Variants in PIF1 observed in about 807,000 individuals in gnomAD.
The protein encoded by PIF1 is ATP-dependent DNA helicase PIF1.
In PIF1, 67 loss-of-function variants were observed where a neutral mutation model predicts 62.3. That is an observed-to-expected ratio of 1.08 (90% CI 0.88 to 1.32). PIF1 has a LOEUF of 1.32. Ranked by LOEUF, PIF1 falls within the 40% of genes most tolerant of loss-of-function variation. The pLI is 0.00. For missense variants in PIF1, 886 were observed against 866.1 expected (o/e 1.02, Z -0.29); for synonymous variants, 364 against 379.5 (o/e 0.96, Z 0.47).
At chr15:64,818,538 A>G (rs1249575157) in intron 9 of PIF1, 194 bp from the exon 10 acceptor site, 1 of 582,424 alleles carries the variant, frequency 1.7e-6, no homozygotes, top group African/African-American at 1.9e-5. Context: ...ATTTTTCTTT[A>G]TGTCAAAGAG....
intron 8 of PIF1, 44 bp from the exon 9 acceptor site, chr15:64,819,267 T>C: frequency 1.5e-6 from 2 of 1,314,912 alleles, no homozygotes; most frequent in Non-Finnish European, 1.1e-6. Context: ...ATCACTGACT[T>C]GTGACTCAGC....
rs750820579 is a variant in PIF1, at chr15:64,818,104, T to C, written c.1529-13A>G. On this transcript the variant is annotated splice_polypyrimidine_tract_variant and intron_variant, in intron 10 of 12. Coordinates refer to ENST00000559239, the MANE Select transcript of PIF1 (RefSeq NM_001286496.2). The stretch of plus-strand genomic sequence containing the variant: ...ACCTGGGGTAGCCCTAAGGAGAGCA[T>C]GGAGCAGTCCAACTTTAGCTCTGCT... The C allele has an allele frequency of 2.5e-6, 4 of 1,613,636 alleles. No individual in the cohort carries two copies. Among genetic ancestry groups the C allele is most frequent in the East Asian group, 4.5e-5 (2 of 44,870 alleles).
At position 64,818,287 on chromosome 15, in the gene PIF1, C is replaced by G; in HGVS notation, c.1498G>C (p.Val500Leu). The change falls in exon 10 of 13, where the codon GTG becomes CTG. Residue 500 changes from valine (V) to leucine (L), a missense_variant. Val to Leu is a conservative substitution (Grantham distance 32). Coordinates refer to ENST00000559239, the MANE Select transcript of PIF1 (RefSeq NM_001286496.2). ...CCTTCTGCCTCGAACCCAACTACCACCCCTCGGGCACCATTCACCAGGCCC... is the reference window on the plus strand; with the variant it reads ...CCTTCTGCCTCGAACCCAACTACCAGCCCTCGGGCACCATTCACCAGGCCC... Reference protein sequence around the residue: ...SRGLVNGARGVVVGFEAEGRG... With the variant: ...SRGLVNGARGLVVGFEAEGRG... 6.2e-7 allele frequency: 1 copy of G among 1,614,170 alleles called. No homozygotes were observed.
intron 11 of PIF1, 134 bp from the exon 12 acceptor site, chr15:64,816,899 G>C: frequency 1.3e-6 from 1 of 780,238 alleles, no homozygotes; most frequent in Non-Finnish European, 1.9e-6. Flanking sequence ...GACAGAGGGA[G>C]AGCATGACAG....
Position 64,821,211 on chromosome 15 carries a change from G to C in PIF1, c.1042C>G (p.Pro348Ala). 1 of 1,614,108 alleles carries C rather than the reference G, an allele frequency of 6.2e-7. No individual in the cohort carries two copies. The highest frequency in any genetic ancestry group is 2.2e-5 in the East Asian group (1 of 44,894). ...GGCTGGGAGCCCTTGGTCACAGGTG[G>C]CAGCTGCAGAAAGTCCCCACAGATG... ...LIICGDFLQL[P>A]PVTKGSQPPR... The change falls in exon 6 of 13, where the codon CCA becomes GCA. Residue 348 changes from proline (P) to alanine (A), a missense_variant. Coordinates refer to ENST00000559239, the MANE Select transcript of PIF1 (RefSeq NM_001286496.2).
chr15:64,818,891 A>G (rs1054129561), intron 9 of PIF1: 17 of 440,212 alleles, frequency 3.9e-5, no homozygotes, highest in African/African-American at 3.1e-4. Context: ...AGGGAAAGAA[A>G]TTTGCCCAAA....
In PIF1 at chr15:64,824,996, T is replaced by TAC. The variant is rs1277945945; in HGVS notation, c.-20+572_-20+573insGT. Reference sequence around the variant, plus strand: ...ACAATATATATACAATTTCTATATATATACACACACACACACACACACATA... The same window carrying TAC: ...ACAATATATATACAATTTCTATATATACATACACACACACACACACACACATA... On this transcript the variant is annotated intron_variant, in intron 1 of 12. Transcript: ENST00000559239. 3.8e-3 allele frequency among the ~76,000 whole-genome samples: 562 copies of TAC among 147,124 alleles called. 3 individuals are homozygous for TAC. The highest frequency in any genetic ancestry group is 0.014 in the African/African-American group (538 of 39,766).
chr15:64,817,591 C>T (rs906370090), intron 11 of PIF1, among the ~76,000 whole-genome samples: 8 of 151,288 alleles, frequency 5.3e-5, no homozygotes, highest in South Asian at 4.2e-4. Context: ...AGGCCAGGCA[C>T]GGTGGCTCAC....
Position 64,821,148 on chromosome 15 carries a change from G to A in PIF1, c.1086+19C>T. 1 of 1,613,450 alleles carries A rather than the reference G, an allele frequency of 6.2e-7. No homozygotes were observed. The highest frequency in any genetic ancestry group is 8.5e-7 in the Non-Finnish European group (1 of 1,179,448). The stretch of plus-strand genomic sequence containing the variant: ...AGAGCAGACCCCCAAGGAGAGCAGA[G>A]CTAGGAGGTGAGTAATACCTGGAAG... On this transcript the variant is annotated intron_variant, in intron 6 of 12. Coordinates refer to ENST00000559239, the MANE Select transcript of PIF1 (RefSeq NM_001286496.2).
chr15:64,818,053 C>T lies in PIF1; in HGVS notation c.1567G>A (p.Val523Ile), dbSNP rs2084218732. 1.9e-6 allele frequency: 3 copies of T among 1,613,828 alleles called. No homozygotes were observed. Among genetic ancestry groups the T allele is most frequent in the South Asian group, 2.2e-5 (2 of 91,042 alleles). ...ACCGTCCAGCGGTCAGCGTGGATGA[C>T]CTCAGTGACTCCACACAGGAACCGC... The part of the protein sequence containing the change: ...QVRFLCGVTE[V>I]IHADRWTVQA... Residue 523 changes from valine to isoleucine, a missense_variant, in exon 11 of 13, where the codon GTC becomes ATC. By Grantham distance (29) the Val-to-Ile change is conservative. Coordinates refer to ENST00000559239, the MANE Select transcript of PIF1 (RefSeq NM_001286496.2).
upstream of PIF1, among the ~76,000 whole-genome samples, chr15:64,826,136 T>C (rs1387571604): frequency 2.0e-5 from 3 of 150,536 alleles, no homozygotes; most frequent in East Asian, 2.0e-4. Context: ...TCTACATCCT[T>C]CTCTGCCTTT....
chr15:64,822,755 A>G, intron 2 of PIF1, 145 bp from the exon 3 acceptor site: 2 of 1,258,060 alleles, frequency 1.6e-6, no homozygotes, highest in Non-Finnish European at 2.2e-6. Flanking sequence ...TTGCCTGGAG[A>G]GCTTGCCAGC....
chr15:64,816,459 A>T, intron 12 of PIF1, 102 bp from the exon 13 acceptor site: 1 of 1,595,238 alleles, frequency 6.3e-7, no homozygotes, highest in Non-Finnish European at 8.6e-7. Context: ...CCCCTAAAGG[A>T]GCCAGCAGAG....
chr15:64,822,124 CT>C, intron 4 of PIF1, 141 bp downstream of exon 4: 1 of 1,073,244 alleles, frequency 9.3e-7, no homozygotes, highest in South Asian at 1.6e-5. Flanking sequence ...ATCCTCCCAC[CT>C]TGGCCTCCTA....
chr15:64,818,525 C>T, intron 9 of PIF1, 181 bp from the exon 10 acceptor site: 2 of 595,380 alleles, frequency 3.4e-6, no homozygotes, highest in Non-Finnish European at 5.9e-6. Flanking sequence ...TTCCTCGGTC[C>T]CAATTTTTCT....
intron 10 of PIF1, 25 bp from the exon 11 acceptor site, chr15:64,818,116 A>C: frequency 6.2e-7 from 1 of 1,613,156 alleles, no homozygotes; most frequent in Non-Finnish European, 8.5e-7. Flanking sequence ...GAGCAGTCCA[A>C]CTTTAGCTCT....
In PIF1 at chr15:64,824,170, G is replaced by T. The variant is rs1242928963; in HGVS notation, c.166C>A (p.Arg56=). 6.8e-6 allele frequency: 9 copies of T among 1,325,474 alleles called. No homozygotes were observed. The highest frequency in any genetic ancestry group is 8.7e-6 in the Non-Finnish European group (9 of 1,035,640). 82.1% of individuals were successfully genotyped at this position (1,325,474 alleles called of 1,614,324 possible). A position where few individuals can be genotyped will look rare whatever the true frequency, so the allele number is the denominator to read the frequency against. Residue 56 remains arginine, a synonymous_variant, in exon 2 of 13, where the codon CGG becomes AGG. Transcript: ENST00000559239. ...CCCGCGGGCCCTGGCGCTTGCAGCC[G>T]CAGCATCAACTCGCGGCGCTCGTTG... ...GRNERRELML[R]LQAPGPAGRP...
At position 64,821,293 on chromosome 15, in the gene PIF1, C is replaced by T. The variant is rs777910195; in HGVS notation, c.972-12G>A. Reference sequence around the variant, plus strand: ...GCTGCCGGACAGCTCTGGAGAGGAGCGTGGGGTGCTTTAGGGGCACACAGA... The same window carrying T: ...GCTGCCGGACAGCTCTGGAGAGGAGTGTGGGGTGCTTTAGGGGCACACAGA... On this transcript the variant is annotated splice_polypyrimidine_tract_variant and intron_variant, in intron 5 of 12. Transcript: ENST00000559239. 2.5e-6 allele frequency: 4 copies of T among 1,614,154 alleles called. No homozygotes were observed. Among genetic ancestry groups the T allele is most frequent in the African/African-American group, 1.3e-5 (1 of 75,066 alleles).
chr15:64,819,649 T>C (rs1439924950), intron 8 of PIF1, among the ~76,000 whole-genome samples, 198 bp downstream of exon 8: 1 of 151,814 alleles, frequency 6.6e-6, no homozygotes, highest in African/African-American at 2.4e-5. Context: ...GGGTAGGGAG[T>C]AGAGGCAGCG....
Sources: allele counts gnomAD v4.1 joint callset (sites outside exome capture counted in the v4.1 genomes callset), GRCh38; gene constraint gnomAD v4.1.1; transcripts MANE v1.5; gene names NCBI Gene and HGNC (gene_info 2026-07-23, HGNC 2026-07-21).